AMBP: variants seen among roughly 807,000 people sequenced by gnomAD.
The protein encoded by AMBP is protein AMBP.
AMBP carries 37 observed loss-of-function variants against 46.3 expected under a neutral mutation model. The ratio of observed to expected loss-of-function variants is 0.80; its 90% CI spans 0.61 to 1.05. The LOEUF is 1.05. AMBP is among the 50% of genes least tolerant of loss of function. AMBP has a pLI of 0.00. For missense variants in AMBP, 475 were observed against 461.2 expected (o/e 1.03, Z -0.27); for synonymous variants, 174 against 175.9 (o/e 0.99, Z 0.09).
At chr9:114,071,153 G>A (rs1846740340) in intron 5 of AMBP, among the ~76,000 whole-genome samples, 1 of 152,188 alleles carries the variant, frequency 6.6e-6, no homozygotes, top group Non-Finnish European at 1.5e-5. Context: ...AGCTCCCCAG[G>A]TGCAGCAGCA....
Position 114,076,581 on chromosome 9 carries a change from C to T in AMBP, c.260+17G>A. On this transcript the variant is annotated intron_variant, in intron 2 of 9. Coordinates refer to ENST00000265132, the MANE Select transcript of AMBP (RefSeq NM_001633.4). ...TCTGGGTCTCTCTCAGCTTTCCAGC[C>T]CCACCCTAGTGCTCACCGCCAACGA... 6.2e-7 allele frequency: 1 copy of T among 1,611,762 alleles called. No homozygotes were observed. Among genetic ancestry groups the T allele is most frequent in the Non-Finnish European group, 8.5e-7 (1 of 1,179,406 alleles).
chr9:114,067,101 C>G (rs948731128), intron 6 of AMBP, among the ~76,000 whole-genome samples: 14 of 152,078 alleles, frequency 9.2e-5, no homozygotes, highest in Non-Finnish European at 1.5e-4. Context: ...CCACCACACC[C>G]AGCTAATTTT....
At chr9:114,066,699 T>G (rs1224054475) in intron 6 of AMBP, among the ~76,000 whole-genome samples, 1 of 152,100 alleles carries the variant, frequency 6.6e-6, no homozygotes, top group African/African-American at 2.4e-5. Flanking sequence ...GGAGAGAGAC[T>G]AGTGATAATC....
chr9:114,069,753 A>G lies in AMBP; in HGVS notation c.557-8T>C, dbSNP rs1407321080. ...CCCCAGGGACACATTCACCTAGGTC[A>G]CAGAGCAGGAGAGAGGAGTGAATAA... On this transcript the variant is annotated splice_region_variant and splice_polypyrimidine_tract_variant and intron_variant, in intron 5 of 9. Coordinates refer to ENST00000265132, the MANE Select transcript of AMBP (RefSeq NM_001633.4). 1.2e-6 allele frequency: 2 copies of G among 1,614,154 alleles called. No individual in the cohort carries two copies. The highest frequency in any genetic ancestry group is 2.2e-5 in the South Asian group (2 of 91,060).
At chr9:114,069,771 G>C in intron 5 of AMBP, 26 bp from the exon 6 acceptor site, 1 of 1,613,588 alleles carries the variant, frequency 6.2e-7, no homozygotes, top group African/African-American at 1.3e-5. Flanking sequence ...GGAGAGAGGA[G>C]TGAATAACAG....
At chr9:114,063,693 G>A (rs1254919195) in intron 6 of AMBP, among the ~76,000 whole-genome samples, 1 of 151,882 alleles carries the variant, frequency 6.6e-6, no homozygotes, top group Non-Finnish European at 1.5e-5. Context: ...AAGATGACAT[G>A]CATCCAAAAA....
chr9:114,068,109 T>C (rs1846710886), intron 6 of AMBP, among the ~76,000 whole-genome samples: 2 of 152,294 alleles, frequency 1.3e-5, no homozygotes, highest in Non-Finnish European at 2.9e-5. Context: ...AGAGTTTCAC[T>C]CTCAAAGGGA....
At chr9:114,062,551 C>T (rs1390899091) in intron 7 of AMBP, 126 bp downstream of exon 7, 4 of 956,728 alleles carry the variant, frequency 4.2e-6, no homozygotes, top group Admixed American at 2.1e-5. Context: ...TGCCTTTTCT[C>T]AGTCCAGCCC....
chr9:114,067,075 G>T (rs1296934964), intron 6 of AMBP, among the ~76,000 whole-genome samples: 1 of 152,018 alleles, frequency 6.6e-6, no homozygotes, highest in Non-Finnish European at 1.5e-5. Context: ...CAAGTAGCTG[G>T]GACTACAGGC....
At chr9:114,073,203 C>T (rs1846764040) in intron 4 of AMBP, among the ~76,000 whole-genome samples, 177 bp from the exon 5 acceptor site, 1 of 152,064 alleles carries the variant, frequency 6.6e-6, no homozygotes, top group Admixed American at 6.5e-5. Flanking sequence ...GGGGTCTCTC[C>T]CAGGTTCCCA....
chr9:114,062,357 T>G (rs1268188886), intron 7 of AMBP, among the ~76,000 whole-genome samples: 29 of 152,208 alleles, frequency 1.9e-4, no homozygotes, highest in Non-Finnish European at 1.5e-5. Context: ...CCCTGATGTT[T>G]AGCCCCACAG....
At chr9:114,065,111 T>G (rs74458778) in intron 6 of AMBP, among the ~76,000 whole-genome samples, 3,029 of 152,250 alleles carry the variant, frequency 0.02, 48 homozygotes, top group East Asian at 0.074. Context: ...ATCCAGAACA[T>G]TCAGCAGTCC....
intron 4 of AMBP, among the ~76,000 whole-genome samples, chr9:114,073,825 G>A (rs1846772240): frequency 6.6e-6 from 1 of 152,164 alleles, no homozygotes; most frequent in Non-Finnish European, 1.5e-5. Flanking sequence ...AGGGCCTGGA[G>A]GCTCTGTAAT....
rs969251168 is a variant in AMBP at position 114,060,140 on chromosome 9, C to A, written c.*99G>T. ...GAGGACACAGAATTTCAGGAGTTTA[C>A]AATTTAGTTTTTATTTGGACCCAGG... On this transcript the variant is annotated 3_prime_UTR_variant, in exon 10 of 10. Coordinates refer to ENST00000265132, the MANE Select transcript of AMBP (RefSeq NM_001633.4). The A allele has an allele frequency of 6.3e-6, 8 of 1,264,790 alleles. 1 individual carries two copies. In the South Asian group the frequency reaches 1.2e-4, roughly 19 times the overall value. 78.3% of individuals were successfully genotyped at this position (1,264,790 alleles called of 1,614,324 possible).
intron 9 of AMBP, 57 bp downstream of exon 9, chr9:114,060,868 C>T: frequency 6.4e-7 from 1 of 1,570,006 alleles, no homozygotes. Flanking sequence ...CCAGGGCTCT[C>T]CCACCTCGAC....
intron 2 of AMBP, 83 bp downstream of exon 2, chr9:114,076,515 G>C: frequency 6.4e-7 from 1 of 1,553,304 alleles, no homozygotes; most frequent in Admixed American, 1.8e-5. Flanking sequence ...GCAGAGATCT[G>C]CAACTTCCCA....
At position 114,069,680 on chromosome 9, in the gene AMBP, CG is replaced by C. The variant is rs1184889578; in HGVS notation, c.603+18del. 2 of 1,595,052 alleles carry C rather than the reference CG, an allele frequency of 1.3e-6. No individual in the cohort carries two copies. The highest frequency in any genetic ancestry group is 4.5e-5 in the East Asian group (2 of 44,626). Reference sequence around the variant, plus strand: ...GGGGTGGGATGGGGTGGGATGGGGTCGGGGGATGAGGCACTCACCGGGATTA... The same window carrying C: ...GGGGTGGGATGGGGTGGGATGGGGTCGGGGATGAGGCACTCACCGGGATTA... On this transcript the variant is annotated intron_variant, in intron 6 of 9. Transcript: ENST00000265132.
chr9:114,072,869 G>C (rs1278702075), intron 5 of AMBP, 56 bp downstream of exon 5: 4 of 1,532,116 alleles, frequency 2.6e-6, no homozygotes, highest in Non-Finnish European at 1.8e-6. Flanking sequence ...ATGGTCTCTG[G>C]CGCCCACAAG....
At chr9:114,075,335 T>A (rs1364303270) in intron 2 of AMBP, among the ~76,000 whole-genome samples, 1 of 152,192 alleles carries the variant, frequency 6.6e-6, no homozygotes, top group Non-Finnish European at 1.5e-5. Context: ...ATCTACACAT[T>A]ATACTGAGGC....
Sources: gnomAD v4.1 joint callset for allele counts (sites outside exome capture counted in the v4.1 genomes callset) on GRCh38, gnomAD v4.1.1 for gene constraint, MANE v1.5 for transcripts, NCBI Gene and HGNC (gene_info 2026-07-23, HGNC 2026-07-21) for gene names.